Variants in DDX51 observed in about 807,000 individuals in gnomAD.
DDX51 encodes DEAD-box helicase 51.
In DDX51, 67 loss-of-function variants were observed where a neutral mutation model predicts 74.6. That is an observed-to-expected ratio of 0.90 (90% CI 0.74 to 1.10). The LOEUF (loss-of-function observed/expected upper bound fraction) is 1.10. Ranked by LOEUF, DDX51 falls within the 50% of genes least tolerant of loss-of-function variation. DDX51 has a pLI of 0.00. For synonymous variants in DDX51, 545 were observed against 402.9 expected (o/e 1.35, Z -4.22); for missense variants, 1,056 against 905.2 (o/e 1.17, Z -2.14).
At position 132,141,746 on chromosome 12, in the gene DDX51, G is replaced by A; in HGVS notation, c.995+104C>T. ...GGAGCTCCTCCTCTTCACGGGAACA[G>A]GTGGTTAAAGATGGTGGCCCCTCCT... On this transcript the variant is annotated intron_variant, in intron 6 of 14. Transcript: ENST00000397333. 4 of 1,473,658 alleles carry A rather than the reference G, an allele frequency of 2.7e-6. No homozygotes were observed. In the South Asian group the frequency reaches 3.7e-5, roughly 14 times the overall value. 91.3% of individuals were successfully genotyped at this position (1,473,658 alleles called of 1,614,324 possible).
chr12:132,140,397 G>A, intron 11 of DDX51, 26 bp downstream of exon 11: 1 of 1,611,826 alleles, frequency 6.2e-7, no homozygotes, highest in Non-Finnish European at 8.5e-7. Context: ...ACCCCACAGA[G>A]GCCTTGCCCC....
chr12:132,141,326 TCCGCGGGGTCCTCGCTCTGGAAGGCGG>T lies in DDX51; in HGVS notation c.1172_1198del (p.Ala391_Ala399del). 2 of 1,598,670 alleles carry T rather than the reference TCCGCGGGGTCCTCGCTCTGGAAGGCGG, an allele frequency of 1.3e-6. No homozygotes were observed. The highest frequency in any genetic ancestry group is 1.7e-6 in the Non-Finnish European group (2 of 1,179,626). On this transcript the variant is annotated inframe_deletion, in exon 8 of 15. Transcript: ENST00000397333. ...CCTTCGCTGGAGCAGGGCACAGGGG[TCCGCGGGGTCCTCGCTCTGGAAGGCGG>T]CCGCCACCACCCGCGGCAGCCAGGA...
In DDX51 at chr12:132,141,196, T is replaced by C. The variant is rs1326680744; in HGVS notation, c.1250+79A>G. 5 of 1,514,274 alleles carry C rather than the reference T, an allele frequency of 3.3e-6. No homozygotes were observed. In the African/African-American group the frequency reaches 5.5e-5, roughly 17 times the overall value. 93.8% of individuals were successfully genotyped at this position (1,514,274 alleles called of 1,614,324 possible). On this transcript the variant is annotated intron_variant, in intron 8 of 14. Transcript: ENST00000397333. ...CACCAGAGCTCAAGCCACCCTTATCTCTGGGCATTAAGGAAGGAGAGCTGT... is the reference window on the plus strand; with the variant it reads ...CACCAGAGCTCAAGCCACCCTTATCCCTGGGCATTAAGGAAGGAGAGCTGT...
At position 132,140,701 on chromosome 12, in the gene DDX51, G is replaced by T. The variant is rs376428090; in HGVS notation, c.1475C>A (p.Pro492Gln). The change falls in exon 10 of 15, where the codon CCG becomes CAG. Residue 492 changes from proline to glutamine, a missense_variant. Physicochemically the swap from Pro to Gln is moderately conservative, Grantham distance 76 (BLOSUM62 -1). Transcript: ENST00000397333. ...CAGGACCAGGTGCAGGACGACCAGC[G>T]GCTTAGAGCTGAGGCTGCAGGGCAC... Reference protein sequence around the residue: ...HYVPCSLSSKPLVVLHLVLEM... With the variant: ...HYVPCSLSSKQLVVLHLVLEM... 1 of 1,613,144 alleles carries T rather than the reference G, an allele frequency of 6.2e-7. No homozygotes were observed. Among genetic ancestry groups the T allele is most frequent in the Non-Finnish European group, 8.5e-7 (1 of 1,180,018 alleles).
intron 14 of DDX51, 99 bp from the exon 15 acceptor site, chr12:132,139,397 C>T: frequency 6.4e-7 from 1 of 1,556,932 alleles, no homozygotes; most frequent in Non-Finnish European, 8.7e-7. Flanking sequence ...ACAGGAAGCC[C>T]TGTGCATGCA....
At chr12:132,143,605 GA>G (rs1373482051) in intron 2 of DDX51, 89 bp downstream of exon 2, 1 of 1,480,802 alleles carries the variant, frequency 6.8e-7, no homozygotes, top group Non-Finnish European at 9.1e-7. Flanking sequence ...AACATTCGCT[GA>G]ACGAAATCTT....
rs1020108418 is a variant in DDX51 at position 132,143,715 on chromosome 12, C to T, written c.499G>A (p.Gly167Arg). 1.3e-6 allele frequency: 2 copies of T among 1,540,378 alleles called. No homozygotes were observed. The highest frequency in any genetic ancestry group is 1.4e-5 in the African/African-American group (1 of 71,896). ...CTCACCTTCGGCGCCTTCCTCTTCCCGAACCCCCCCAGCACCAGGCCGGGG... is the reference window on the plus strand; with the variant it reads ...CTCACCTTCGGCGCCTTCCTCTTCCTGAACCCCCCCAGCACCAGGCCGGGG... ...LVPGLVLGGF[G>R]KRKAPKVQPF... Residue 167 changes from glycine (G) to arginine (R), a missense_variant, in exon 2 of 15, where the codon GGG becomes AGG. Transcript: ENST00000397333.
In DDX51 at chr12:132,140,630, T is replaced by G; in HGVS notation, c.1546A>C (p.Asn516His). ...RVLCFTNSRE[N>H]SHRLFLLVQA... ...CAGCCGGGGCCTCACCTGTGGGAGT[T>G]CTCTCGGGAGTTAGTGAAGCAGAGA... The change falls in exon 10 of 15, where the codon AAC (asparagine) becomes CAC (histidine). Residue 516 changes from asparagine (N) to histidine (H), a missense_variant. By Grantham distance (68) the Asn-to-His change is moderately conservative. Transcript: ENST00000397333. 1.2e-6 allele frequency: 2 copies of G among 1,612,758 alleles called. No homozygotes were observed. Among genetic ancestry groups the G allele is most frequent in the Non-Finnish European group, 1.7e-6 (2 of 1,179,978 alleles).
At position 132,141,799 on chromosome 12, in the gene DDX51, G is replaced by A. The variant is rs757339976; in HGVS notation, c.995+51C>T. 8 of 1,592,226 alleles carry A rather than the reference G, an allele frequency of 5.0e-6. No homozygotes were observed. In the Admixed American group the frequency reaches 1.0e-4, roughly 20 times the overall value. On this transcript the variant is annotated intron_variant, in intron 6 of 14. Coordinates refer to ENST00000397333, the MANE Select transcript of DDX51 (RefSeq NM_175066.4). ...GCTCCCACGGTGCCTCAGGCCACCT[G>A]CAGGGCTGAGCAGGGACCCCCTGAA... is the stretch of plus-strand genomic sequence containing the variant.
chr12:132,140,358 C>A (rs1897399088), intron 11 of DDX51, 65 bp downstream of exon 11: 1 of 1,590,430 alleles, frequency 6.3e-7, no homozygotes, highest in East Asian at 2.2e-5. Flanking sequence ...TTTAGAGAGC[C>A]CCAGGCTGAC....
At position 132,144,176 on chromosome 12, in the gene DDX51, G is replaced by A; in HGVS notation, c.121C>T (p.Arg41Trp). 8.5e-7 allele frequency: 1 copy of A among 1,175,880 alleles called. No individual in the cohort carries two copies. Among genetic ancestry groups the A allele is most frequent in the East Asian group, 3.8e-5 (1 of 26,014 alleles). The allele number at this position is 1,175,880 out of a possible 1,614,324, so 72.8% of individuals were successfully genotyped here. ...ARALLERLQS[R>W]ARERQQQREP... ...CGCTGCTGCTGCCGTTCGCGGGCCC[G>A]GCTCTGCAGCCGCTCGAGCAGCGCG... Residue 41 changes from arginine to tryptophan, a missense_variant, in exon 1 of 15, where the codon CGG (arginine) becomes TGG (tryptophan). Coordinates refer to ENST00000397333, the MANE Select transcript of DDX51 (RefSeq NM_175066.4).
At position 132,142,581 on chromosome 12, in the gene DDX51, G is replaced by C. The variant is rs546810362; in HGVS notation, c.670+147C>G. The C allele has an allele frequency of 1.3e-4, 196 of 1,462,112 alleles. No homozygotes were observed. In the Admixed American group the frequency reaches 4.3e-3, roughly 32 times the overall value. 90.6% of individuals were successfully genotyped at this position (1,462,112 alleles called of 1,614,324 possible). On this transcript the variant is annotated intron_variant, in intron 3 of 14. Coordinates refer to ENST00000397333, the MANE Select transcript of DDX51 (RefSeq NM_175066.4). ...GCCCAGAGGAACGCCAGCCTCAGGAGACCCAAGTGGGAACCATGAGCTTGA... is the reference window on the plus strand; with the variant it reads ...GCCCAGAGGAACGCCAGCCTCAGGACACCCAAGTGGGAACCATGAGCTTGA...
chr12:132,141,543 G>A lies in DDX51; in HGVS notation c.1059C>T (p.His353=), dbSNP rs1401326502. The change falls in exon 7 of 15, where the codon CAC becomes CAT. Residue 353 remains histidine, a synonymous_variant. Coordinates refer to ENST00000397333, the MANE Select transcript of DDX51 (RefSeq NM_175066.4). ...VVATPGRLVD[H]IDQTPGFSLQ... ...GGCTGAATCCTGGGGTCTGGTCGAT[G>A]TGGTCCACCAGGCGGCCGGGGGTGG... 1 of 1,604,596 alleles carries A rather than the reference G, an allele frequency of 6.2e-7. No homozygotes were observed. Among genetic ancestry groups the A allele is most frequent in the East Asian group, 2.2e-5 (1 of 44,810 alleles).
intron 5 of DDX51, 54 bp from the exon 6 acceptor site, chr12:132,142,010 GC>G: frequency 6.2e-7 from 1 of 1,607,382 alleles, no homozygotes; most frequent in Non-Finnish European, 8.5e-7. Context: ...ACCTACTGCA[GC>G]AAAAAGGACC....
Position 132,140,455 on chromosome 12 carries a change from G to C in DDX51, c.1641C>G (p.Ile547Met), listed in dbSNP as rs762811160. ...TCTTCCCCTGTTCAAACTGCTTCAGGATCATCCTCCTCTGGCCAGGCCCGT... is the reference window on the plus strand; with the variant it reads ...TCTTCCCCTGTTCAAACTGCTTCAGCATCATCCTCCTCTGGCCAGGCCCGT... The part of the protein sequence containing the change: ...SRYGPGQRRM[I>M]LKQFEQGKIQ... The change falls in exon 11 of 15, where the codon ATC becomes ATG. Residue 547 changes from isoleucine to methionine, a missense_variant. Ile to Met is a conservative substitution (Grantham distance 10, BLOSUM62 1). Coordinates refer to ENST00000397333, the MANE Select transcript of DDX51 (RefSeq NM_175066.4). The C allele has an allele frequency of 2.5e-6, 4 of 1,613,236 alleles. No homozygotes were observed. Among genetic ancestry groups the C allele is most frequent in the Non-Finnish European group, 3.4e-6 (4 of 1,180,020 alleles).
At position 132,143,917 on chromosome 12, in the gene DDX51, G is replaced by A; in HGVS notation, c.305-8C>T. 1 of 1,513,770 alleles carries A rather than the reference G, an allele frequency of 6.6e-7. No homozygotes were observed. Among genetic ancestry groups the A allele is most frequent in the East Asian group, 2.7e-5 (1 of 37,372 alleles). The allele number at this position is 1,513,770 out of a possible 1,614,324, so 93.8% of individuals were successfully genotyped here. On this transcript the variant is annotated splice_polypyrimidine_tract_variant and splice_region_variant and intron_variant, in intron 1 of 14. Coordinates refer to ENST00000397333, the MANE Select transcript of DDX51 (RefSeq NM_175066.4). ...GCGCCTCCTCGTTGCTTTCTGCGAGGCAGACACCCACCCGGCAGCGCGTCA... is the reference window on the plus strand; with the variant it reads ...GCGCCTCCTCGTTGCTTTCTGCGAGACAGACACCCACCCGGCAGCGCGTCA...
intron 2 of DDX51, chr12:132,143,080 G>A (rs551131555): frequency 2.2e-4 from 143 of 644,946 alleles, no homozygotes; most frequent in Middle Eastern, 4.3e-4. Context: ...AACTCACTCT[G>A]TAGCCTCCCA....
In DDX51 at chr12:132,139,206, A is replaced by T; in HGVS notation, c.*66T>A. 4 of 1,576,006 alleles carry T rather than the reference A, an allele frequency of 2.5e-6. No homozygotes were observed. In the Admixed American group the frequency reaches 7.1e-5, roughly 28 times the overall value. On this transcript the variant is annotated 3_prime_UTR_variant, in exon 15 of 15. Coordinates refer to ENST00000397333, the MANE Select transcript of DDX51 (RefSeq NM_175066.4). ...TCCTCACATACAGGATCCAGTGATCAGCACTGCTCTGGAAGGAGGGTCAGG... is the reference window on the plus strand; with the variant it reads ...TCCTCACATACAGGATCCAGTGATCTGCACTGCTCTGGAAGGAGGGTCAGG...
In DDX51 at chr12:132,140,902, C is replaced by A; in HGVS notation, c.1369G>T (p.Ala457Ser). 3 of 1,613,488 alleles carry A rather than the reference C, an allele frequency of 1.9e-6. No individual in the cohort carries two copies. Among genetic ancestry groups the A allele is most frequent in the Non-Finnish European group, 2.5e-6 (3 of 1,179,980 alleles). Residue 457 changes from alanine to serine, a missense_variant, in exon 9 of 15, where the codon GCA becomes TCA. Ala to Ser is a moderately conservative substitution (Grantham distance 99, BLOSUM62 1). Coordinates refer to ENST00000397333, the MANE Select transcript of DDX51 (RefSeq NM_175066.4). ...TCTGTATCTTCCAGGCCCCTGTGTG[C>A]TAGCCCTGTGGAGAAAAGCCGGGGC... ...HQPRLFSTGL[A>S]HRGLEDTDGD...
Sources: allele counts gnomAD v4.1 joint callset, GRCh38; gene constraint gnomAD v4.1.1; transcripts MANE v1.5; gene names NCBI Gene and HGNC (gene_info 2026-07-23, HGNC 2026-07-21).